DGKB: variants seen among roughly 807,000 people sequenced by gnomAD.
DGKB encodes diacylglycerol kinase beta, also known as 90 kDa diacylglycerol kinase.
A neutral mutation model predicts 114.3 loss-of-function variants in DGKB; 67 were observed. The observed-to-expected ratio is 0.59, with a 90% CI of 0.48 to 0.72. The LOEUF is 0.72. DGKB is among the 30% of genes least tolerant of loss of function. DGKB has a pLI of 0.00. For synonymous variants in DGKB, 398 were observed against 323.1 expected, an observed-to-expected ratio of 1.23 and a Z score of -2.49; for missense variants, 907 against 975.2, an observed-to-expected ratio of 0.93 and a Z score of 0.93.
chr7:14,413,016 G>A (rs1405447237), intron 21 of DGKB, among the ~76,000 whole-genome samples: 9 of 151,554 alleles, frequency 5.9e-5, no homozygotes, highest in Admixed American at 1.3e-4. Flanking sequence ...GAGGAGTACC[G>A]TGAAGTCATT....
chr7:14,663,999 T>A (rs576706280), intron 13 of DGKB, among the ~76,000 whole-genome samples: 1 of 152,008 alleles, frequency 6.6e-6, no homozygotes, highest in African/African-American at 2.4e-5. Context: ...TCATGAAATC[T>A]TTACACTTGA....
At chr7:14,736,234 C>A in intron 4 of DGKB, 40 bp from the exon 5 acceptor site, 1 of 1,321,522 alleles carries the variant, frequency 7.6e-7, no homozygotes, top group South Asian at 1.4e-5. Context: ...TAAGATCCAA[C>A]CAAATGTTAA....
At chr7:14,685,892 G>C (rs551305938) in intron 9 of DGKB, among the ~76,000 whole-genome samples, 3 of 152,122 alleles carry the variant, frequency 2.0e-5, no homozygotes, top group Non-Finnish European at 4.4e-5. Flanking sequence ...TAAGTTATTG[G>C]TGACATACTA....
upstream of DGKB, among the ~76,000 whole-genome samples, chr7:14,906,795 C>T (rs1469563464): frequency 6.6e-6 from 1 of 152,094 alleles, no homozygotes; most frequent in Non-Finnish European, 1.5e-5. Context: ...TAAACTGGTG[C>T]TTAAAAATTA....
At chr7:14,156,252 A>AAATT in intron 25 of DGKB, among the ~76,000 whole-genome samples, 1 of 152,278 alleles carries the variant, frequency 6.6e-6, no homozygotes, top group African/African-American at 2.4e-5. Context: ...ATAAACTGTT[A>AAATT]AATTATTTAA....
intron 13 of DGKB, among the ~76,000 whole-genome samples, chr7:14,631,187 T>C (rs907999471): frequency 1.4e-5 from 2 of 144,966 alleles, no homozygotes; most frequent in Non-Finnish European, 3.0e-5. Flanking sequence ...ATCACCAAGA[T>C]GGGTATGAAA....
At chr7:14,828,863 G>C (rs765066614) in intron 2 of DGKB, among the ~76,000 whole-genome samples, 8 of 152,080 alleles carry the variant, frequency 5.3e-5, no homozygotes, top group Non-Finnish European at 8.8e-5. Context: ...CTGAATGTAG[G>C]ACATTATCTG....
At position 14,861,317 on chromosome 7, in the gene DGKB, G is replaced by A. The variant is rs77020848; in HGVS notation, c.-187-19867C>T. 5.6e-3 allele frequency among the ~76,000 whole-genome samples: 789 copies of A among 142,030 alleles called. 7 individuals are homozygous for A. Among genetic ancestry groups the A allele is most frequent in the Non-Finnish European group, 6.4e-3 (411 of 64,352 alleles). 93.2% of individuals were successfully genotyped at this position (142,030 alleles called of 152,430 possible). A position where few individuals can be genotyped will look rare whatever the true frequency, so the allele number is the denominator to read the frequency against. On this transcript the variant is annotated intron_variant, in intron 1 of 25. Transcript: ENST00000402815. ...ACATAGATTTTTTGAGTATAAAAAC[G>A]TATTAAAATATGACTTTCAATATAA...
In DGKB at chr7:14,169,086, G is replaced by A. The variant is rs534326739; in HGVS notation, c.2304+7753C>T. On this transcript the variant is annotated intron_variant, in intron 25 of 25. Coordinates refer to ENST00000402815, the MANE Select transcript of DGKB (RefSeq NM_001350709.2). ...AAGAAATGCAAACCATGGGCCGGGT[G>A]CAGTGGCTCACGCCTGTAATCCCAG... Among the ~76,000 whole-genome samples the A allele has an allele frequency of 3.9e-5, 6 of 151,950 alleles. No individual in the cohort carries two copies. The South Asian group carries it at 1.2e-3, about 32-fold the overall frequency.
At chr7:14,863,629 A>G (rs1220203404) in intron 1 of DGKB, among the ~76,000 whole-genome samples, 1 of 152,082 alleles carries the variant, frequency 6.6e-6, no homozygotes, top group Non-Finnish European at 1.5e-5. Context: ...TTTATTTGTA[A>G]TTGACAAATA....
chr7:14,930,588 A>T (rs913636536), intron 1 of DGKB, among the ~76,000 whole-genome samples: 2 of 152,164 alleles, frequency 1.3e-5, no homozygotes, highest in African/African-American at 4.8e-5. Context: ...TTCATTTATC[A>T]ATATAAAAGT....
intron 23 of DGKB, among the ~76,000 whole-genome samples, chr7:14,217,924 A>T (rs1789269833): frequency 2.0e-5 from 3 of 152,240 alleles, no homozygotes; most frequent in South Asian, 4.1e-4. Flanking sequence ...TCCTGTCCAT[A>T]CTTTTGTAAT....
At chr7:14,159,887 T>C (rs754186233) in intron 25 of DGKB, among the ~76,000 whole-genome samples, 2 of 152,062 alleles carry the variant, frequency 1.3e-5, no homozygotes, top group African/African-American at 2.4e-5. Flanking sequence ...GGCCAGGCCA[T>C]TCTCAAACTC....
chr7:14,452,432 C>A (rs1365154423), intron 21 of DGKB, among the ~76,000 whole-genome samples: 1 of 151,844 alleles, frequency 6.6e-6, no homozygotes, highest in African/African-American at 2.4e-5. Context: ...CCTAGAATTG[C>A]AAATTGTATC....
At chr7:14,193,070 C>T (rs181304916) in intron 23 of DGKB, among the ~76,000 whole-genome samples, 1 of 140,644 alleles carries the variant, frequency 7.1e-6, no homozygotes, top group African/African-American at 2.7e-5. Context: ...AAGCTTCACT[C>T]TCACCTGCTG....
At chr7:14,788,639 A>G (rs1022859450) in intron 2 of DGKB, among the ~76,000 whole-genome samples, 3 of 152,152 alleles carry the variant, frequency 2.0e-5, no homozygotes, top group Non-Finnish European at 4.4e-5. Context: ...TATTTAAACT[A>G]GCCCATCCCA....
At chr7:14,395,641 A>G (rs922423355) in intron 21 of DGKB, among the ~76,000 whole-genome samples, 1 of 151,894 alleles carries the variant, frequency 6.6e-6, no homozygotes, top group Non-Finnish European at 1.5e-5. Flanking sequence ...ATATTACTAT[A>G]TGTAAAAATA....
intron 22 of DGKB, among the ~76,000 whole-genome samples, chr7:14,341,061 A>T (rs1361086465): frequency 1.3e-5 from 2 of 151,796 alleles, no homozygotes; most frequent in East Asian, 3.9e-4. Context: ...GTATGCTATT[A>T]TTCATGTTTT....
intron 2 of DGKB, among the ~76,000 whole-genome samples, chr7:14,785,497 G>A (rs1429362317): frequency 2.6e-5 from 4 of 151,930 alleles, no homozygotes; most frequent in African/African-American, 9.7e-5. Flanking sequence ...AACCTCAAAC[G>A]TCATGACTAA....
Sources: allele counts gnomAD v4.1 joint callset (sites outside exome capture counted in the v4.1 genomes callset), GRCh38; gene constraint gnomAD v4.1.1; transcripts MANE v1.5; gene names NCBI Gene and HGNC (gene_info 2026-07-23, HGNC 2026-07-21).